Variants in NPAS3 observed in about 807,000 individuals in gnomAD.
NPAS3 encodes the protein neuronal PAS domain protein 3.
Under a neutral mutation model 73.1 loss-of-function variants are expected in NPAS3, and 14 were observed. The observed-to-expected ratio is 0.19, with a 90% CI of 0.13 to 0.30. The LOEUF (loss-of-function observed/expected upper bound fraction) is 0.30, where lower values mean the gene tolerates loss of function less well. NPAS3 is among the 10% of genes least tolerant of loss of function. The probability of loss-of-function intolerance (pLI) is 1.00; values close to 1 mark genes in which losing one functional copy is unlikely to be tolerated. For missense variants in NPAS3, 1,096 were observed against 1,250.0 expected (o/e 0.88, Z 1.86); for synonymous variants, 620 against 541.5 (o/e 1.14, Z -2.01).
chr14:33,073,962 G>A (rs1470015736), intron 2 of NPAS3, among the ~76,000 whole-genome samples: 2 of 152,178 alleles, frequency 1.3e-5, no homozygotes, highest in African/African-American at 2.4e-5. Flanking sequence ...ATGGGGTGGG[G>A]TAGAGGCATC....
rs927890774 is a variant in NPAS3, at chr14:33,416,293, T to G, written c.468+49025T>G. Among the ~76,000 whole-genome samples the G allele has an allele frequency of 2.0e-5, 3 of 152,026 alleles. No homozygotes were observed. In the East Asian group the frequency reaches 5.8e-4, roughly 29 times the overall value. On this transcript the variant is annotated intron_variant, in intron 4 of 11. Transcript: ENST00000356141. ...ACAAGAACTCTATTCCCTGGAGATCTCTAAAGGGAAAAAAAATAATTTATC... is the reference window on the plus strand; with the variant it reads ...ACAAGAACTCTATTCCCTGGAGATCGCTAAAGGGAAAAAAAATAATTTATC...
chr14:33,380,845 T>G (rs758287917), intron 4 of NPAS3, among the ~76,000 whole-genome samples: 14 of 152,116 alleles, frequency 9.2e-5, no homozygotes, highest in Non-Finnish European at 1.8e-4. Context: ...TCTAAAGATA[T>G]AAAAAATGCA....
chr14:33,222,021 C>A (rs757373852), intron 3 of NPAS3, among the ~76,000 whole-genome samples: 17 of 151,792 alleles, frequency 1.1e-4, no homozygotes, highest in Non-Finnish European at 2.2e-4. Context: ...AGCTTAGGTT[C>A]GATGAAGAAT....
intron 6 of NPAS3, among the ~76,000 whole-genome samples, chr14:33,689,045 C>T (rs188729054): frequency 5.3e-5 from 8 of 152,254 alleles, no homozygotes; most frequent in African/African-American, 1.7e-4. Context: ...CAATCCTGAC[C>T]GACATTTGAG....
At chr14:33,624,429 A>T (rs934106478) in intron 5 of NPAS3, among the ~76,000 whole-genome samples, 2 of 152,214 alleles carry the variant, frequency 1.3e-5, no homozygotes, top group Non-Finnish European at 2.9e-5. Context: ...TGAAATTGAC[A>T]TAAAATGTTG....
At chr14:33,578,175 T>C in intron 5 of NPAS3, 1 of 456,048 alleles carries the variant, frequency 2.2e-6, no homozygotes, top group Non-Finnish European at 4.4e-6. Flanking sequence ...AGAAGCCAGA[T>C]GAACTACCAA....
At chr14:33,033,158 T>G (rs1370236467) in intron 1 of NPAS3, among the ~76,000 whole-genome samples, 1 of 152,160 alleles carries the variant, frequency 6.6e-6, no homozygotes, top group Non-Finnish European at 1.5e-5. Flanking sequence ...TGTAATATAT[T>G]AATATCATAA....
At chr14:33,153,797 G>A (rs1028214592) in intron 2 of NPAS3, among the ~76,000 whole-genome samples, 1 of 152,104 alleles carries the variant, frequency 6.6e-6, no homozygotes, top group Non-Finnish European at 1.5e-5. Flanking sequence ...TGTGTCTTCT[G>A]TGGTGTTTTG....
At chr14:33,702,674 G>A (rs2060553644) in intron 6 of NPAS3, among the ~76,000 whole-genome samples, 1 of 152,104 alleles carries the variant, frequency 6.6e-6, no homozygotes. Flanking sequence ...TCATTTGTCT[G>A]GCTCCTGTTC....
chr14:33,132,872 C>G (rs1333196277), intron 2 of NPAS3, among the ~76,000 whole-genome samples: 1 of 152,072 alleles, frequency 6.6e-6, no homozygotes, highest in Non-Finnish European at 1.5e-5. Flanking sequence ...TTAGATACTT[C>G]TTGGTTTTCC....
At chr14:33,217,139 A>G (rs1189068327) in intron 3 of NPAS3, among the ~76,000 whole-genome samples, 4 of 152,122 alleles carry the variant, frequency 2.6e-5, no homozygotes, top group Non-Finnish European at 5.9e-5. Flanking sequence ...AGACAGCAAA[A>G]GGGGAATTGC....
At chr14:33,376,000 G>A (rs745900536) in intron 4 of NPAS3, among the ~76,000 whole-genome samples, 7 of 152,046 alleles carry the variant, frequency 4.6e-5, no homozygotes, top group East Asian at 1.9e-4. Flanking sequence ...TCATACTTAC[G>A]GAATTGGTTT....
At chr14:33,759,506 C>T (rs1436881635) in intron 7 of NPAS3, among the ~76,000 whole-genome samples, 2 of 152,204 alleles carry the variant, frequency 1.3e-5, no homozygotes, top group Non-Finnish European at 2.9e-5. Flanking sequence ...CATTCTTAAA[C>T]ACAGTGCTAT....
At chr14:33,594,093 A>G (rs1480412496) in intron 5 of NPAS3, among the ~76,000 whole-genome samples, 1 of 152,200 alleles carries the variant, frequency 6.6e-6, no homozygotes, top group Non-Finnish European at 1.5e-5. Context: ...AAATACAGTC[A>G]TCCCTCAGTA....
At chr14:33,524,807 G>A (rs2053721510) in intron 4 of NPAS3, among the ~76,000 whole-genome samples, 1 of 152,072 alleles carries the variant, frequency 6.6e-6, no homozygotes. Context: ...ATCTTTGGTG[G>A]ACCATCGCTT....
chr14:32,982,221 T>C (rs186855761), intron 1 of NPAS3, among the ~76,000 whole-genome samples: 5 of 152,306 alleles, frequency 3.3e-5, no homozygotes, highest in Admixed American at 6.5e-5. Flanking sequence ...GAAGAAGAGA[T>C]CAAACTTGCA....
At chr14:33,496,642 A>C (rs998879295) in intron 4 of NPAS3, among the ~76,000 whole-genome samples, 3 of 152,286 alleles carry the variant, frequency 2.0e-5, no homozygotes, top group Non-Finnish European at 1.5e-5. Flanking sequence ...CTTCGATAAA[A>C]TTCAACACCC....
At chr14:33,099,111 G>A (rs1384069431) in intron 2 of NPAS3, among the ~76,000 whole-genome samples, 1 of 152,162 alleles carries the variant, frequency 6.6e-6, no homozygotes, top group Non-Finnish European at 1.5e-5. Context: ...GGTGTACATA[G>A]AACAATAGCA....
At chr14:33,223,376 C>T (rs1164019108) in intron 3 of NPAS3, among the ~76,000 whole-genome samples, 1 of 152,194 alleles carries the variant, frequency 6.6e-6, no homozygotes, top group African/African-American at 2.4e-5. Context: ...AACTGGAGTC[C>T]GTTGAACAAA....
Sources: allele counts gnomAD v4.1 joint callset (sites outside exome capture counted in the v4.1 genomes callset), GRCh38; gene constraint gnomAD v4.1.1; transcripts MANE v1.5; gene names NCBI Gene and HGNC (gene_info 2026-07-23, HGNC 2026-07-21).